ROBO2: variants seen among roughly 807,000 people sequenced by gnomAD.
The protein encoded by ROBO2 is roundabout guidance receptor 2.
In ROBO2, 53 loss-of-function variants were observed where a neutral mutation model predicts 160.8. That is an observed-to-expected ratio of 0.33 (90% CI 0.26 to 0.41). ROBO2 has a LOEUF of 0.41. ROBO2 is among the 10% of genes least tolerant of loss of function. The pLI is 1.00. For synonymous variants in ROBO2, 664 were observed against 611.7 expected (o/e 1.09, Z -1.26); for missense variants, 1,577 against 1,722.4 (o/e 0.92, Z 1.49).
chr3:76,615,484 C>T (rs1212108204), intron 2 of ROBO2, among the ~76,000 whole-genome samples: 1 of 151,944 alleles, frequency 6.6e-6, no homozygotes, highest in African/African-American at 2.4e-5. Context: ...AAGGGGATTA[C>T]CAAGATAGTA....
chr3:76,607,690 A>T (rs1159041116), intron 2 of ROBO2, among the ~76,000 whole-genome samples: 1 of 152,268 alleles, frequency 6.6e-6, no homozygotes, highest in African/African-American at 2.4e-5. Flanking sequence ...TAGAAAAAAA[A>T]TTTTGTGTTT....
At chr3:77,450,426 G>A in intron 2 of ROBO2, among the ~76,000 whole-genome samples, 1 of 152,028 alleles carries the variant, frequency 6.6e-6, no homozygotes, top group East Asian at 1.9e-4. Flanking sequence ...TACATCTAGA[G>A]ATAATAATCC....
chr3:76,664,429 A>G (rs1041008923), intron 2 of ROBO2, among the ~76,000 whole-genome samples: 16 of 152,236 alleles, frequency 1.1e-4, no homozygotes, highest in Admixed American at 1.0e-3. Context: ...ATCATTTAGA[A>G]GGAAGTATAC....
chr3:75,952,433 G>T (rs1441382661), intron 2 of ROBO2, among the ~76,000 whole-genome samples: 1 of 151,934 alleles, frequency 6.6e-6, no homozygotes, highest in East Asian at 1.9e-4. Context: ...TACTAAAATT[G>T]TGTGTTTTTT....
At chr3:77,506,846 A>T (rs1469891693) in intron 5 of ROBO2, among the ~76,000 whole-genome samples, 8 of 152,152 alleles carry the variant, frequency 5.3e-5, no homozygotes, top group Admixed American at 5.2e-4. Context: ...CGAAGATAAT[A>T]ATCTTTTTTT....
intron 2 of ROBO2, among the ~76,000 whole-genome samples, chr3:76,281,676 C>T (rs35059361): frequency 0.29 from 44,318 of 151,808 alleles, 8,296 homozygotes; most frequent in Non-Finnish European, 0.41. Flanking sequence ...AAAATTCCTC[C>T]TATTATCCAA....
At chr3:77,048,060 T>C (rs1169884021) in intron 1 of ROBO2, among the ~76,000 whole-genome samples, 1 of 151,978 alleles carries the variant, frequency 6.6e-6, no homozygotes, top group Non-Finnish European at 1.5e-5. Flanking sequence ...AAAAAAGATA[T>C]ATATGATGCC....
chr3:76,058,624 T>C lies in ROBO2; in HGVS notation c.109+121022T>C, dbSNP rs80134001. On this transcript the variant is annotated intron_variant, in intron 2 of 26. Transcript: ENST00000487694. ...TTTTTTTTTTTTTTTTGCTATTTGG[T>C]ATGCAAGATTGTTTCCTTGCCTTTT... Among the ~76,000 whole-genome samples the C allele has an allele frequency of 6.0e-3, 772 of 129,044 alleles. 45 individuals are homozygous for C. In the East Asian group the frequency reaches 0.14, roughly 23 times the overall value. 84.7% of individuals were successfully genotyped at this position (129,044 alleles called of 152,430 possible).
Position 77,352,155 on chromosome 3 carries a change from T to C in ROBO2, c.389-125259T>C, listed in dbSNP as rs2068437330. Among the ~76,000 whole-genome samples, 5 of 151,100 alleles carry C rather than the reference T, an allele frequency of 3.3e-5. No individual in the cohort carries two copies. The South Asian group carries it at 1.0e-3, about 32-fold the overall frequency. On this transcript the variant is annotated intron_variant, in intron 2 of 25. Transcript: ENST00000461745. ...GTATCAGCATTTTACTCTAGCATTC[T>C]AGAGGACCTTATTTTAAACTCGGTG...
intron 2 of ROBO2, among the ~76,000 whole-genome samples, chr3:76,809,560 G>A (rs1323239189): frequency 6.6e-6 from 1 of 152,160 alleles, no homozygotes; most frequent in Non-Finnish European, 1.5e-5. Context: ...GATGCAAGAG[G>A]AAGAGACAGC....
At chr3:77,635,422 T>C (rs1347906991) in intron 24 of ROBO2, among the ~76,000 whole-genome samples, 1 of 152,166 alleles carries the variant, frequency 6.6e-6, no homozygotes, top group Non-Finnish European at 1.5e-5. Flanking sequence ...TATTTCACTT[T>C]TGGAAAAAAA....
chr3:77,267,940 C>G (rs1489883012), intron 2 of ROBO2, among the ~76,000 whole-genome samples: 1 of 152,162 alleles, frequency 6.6e-6, no homozygotes, highest in East Asian at 1.9e-4. Context: ...TTCTACACAA[C>G]AGAGCACATT....
chr3:77,406,007 T>A (rs556541554), intron 2 of ROBO2, among the ~76,000 whole-genome samples: 1 of 152,290 alleles, frequency 6.6e-6, no homozygotes, highest in East Asian at 1.9e-4. Flanking sequence ...ATAAAGATAC[T>A]CCCTGAGACT....
intron 19 of ROBO2, among the ~76,000 whole-genome samples, chr3:77,598,125 C>T (rs550387793): frequency 2.8e-4 from 42 of 152,150 alleles, no homozygotes; most frequent in African/African-American, 8.7e-4. Flanking sequence ...GAAGGAGGCC[C>T]AGGGCTCTGT....
chr3:77,244,560 A>G (rs1048817596), intron 2 of ROBO2, among the ~76,000 whole-genome samples: 1 of 152,148 alleles, frequency 6.6e-6, no homozygotes, highest in African/African-American at 2.4e-5. Flanking sequence ...CCTTAGTTCC[A>G]GATATTGATA....
rs542040587 is a variant in ROBO2, at chr3:76,881,439, C to T, written c.110-216575C>T. ...TTTTAAACTTAGAAAAGTATGGCTG[C>T]AATAGACTTAACCTAAATGAGACTT... On this transcript the variant is annotated intron_variant, in intron 2 of 26. Coordinates refer to the ROBO2 transcript ENST00000487694. Among the ~76,000 whole-genome samples, 18 of 152,198 alleles carry T rather than the reference C, an allele frequency of 1.2e-4. No individual in the cohort carries two copies. The South Asian group carries it at 2.3e-3, about 19-fold the overall frequency.
chr3:76,654,547 T>C (rs182148544), intron 2 of ROBO2, among the ~76,000 whole-genome samples: 28 of 152,158 alleles, frequency 1.8e-4, no homozygotes, highest in African/African-American at 6.5e-4. Flanking sequence ...ACCACACAGA[T>C]CATGGCTTCT....
chr3:76,692,848 G>A (rs932359388), intron 2 of ROBO2, among the ~76,000 whole-genome samples: 1 of 151,670 alleles, frequency 6.6e-6, no homozygotes, highest in African/African-American at 2.4e-5. Context: ...GGGCTCTCCA[G>A]AGAAACAGAA....
At chr3:76,469,486 A>G (rs984552143) in intron 2 of ROBO2, among the ~76,000 whole-genome samples, 3 of 152,086 alleles carry the variant, frequency 2.0e-5, no homozygotes, top group African/African-American at 7.2e-5. Flanking sequence ...AAGTCTATTA[A>G]AAGGCTGGCA....
Sources: allele counts gnomAD v4.1 joint callset (sites outside exome capture counted in the v4.1 genomes callset), GRCh38; gene constraint gnomAD v4.1.1; transcripts MANE v1.5; gene names NCBI Gene and HGNC (gene_info 2026-07-23, HGNC 2026-07-21).